The following CPEB3 variants were observed in gnomAD, a reference collection of about 807,000 sequenced individuals.
CPEB3 encodes cytoplasmic polyadenylation element-binding protein 3.
In CPEB3, 20 loss-of-function variants were observed where a neutral mutation model predicts 67.2. That is an observed-to-expected ratio of 0.30 (90% CI 0.21 to 0.43). CPEB3 has a LOEUF of 0.43. Among genes scored for constraint, CPEB3 ranks in the 20% least tolerant of loss-of-function variants. CPEB3 has a pLI of 1.00. For synonymous variants in CPEB3, 376 were observed against 393.1 expected, an observed-to-expected ratio of 0.96 and a Z score of 0.51; for missense variants, 746 against 968.6, an observed-to-expected ratio of 0.77 and a Z score of 3.05.
At chr10:92,276,161 C>T (rs1247772457) in intron 1 of CPEB3, among the ~76,000 whole-genome samples, 2 of 151,538 alleles carry the variant, frequency 1.3e-5, no homozygotes, top group African/African-American at 2.4e-5. Flanking sequence ...CATTCTTTTT[C>T]ATTATCAAAT....
At chr10:92,070,898 T>C (rs1842726111) in intron 9 of CPEB3, among the ~76,000 whole-genome samples, 1 of 151,788 alleles carries the variant, frequency 6.6e-6, no homozygotes, top group Non-Finnish European at 1.5e-5. Context: ...TTTACCCCGA[T>C]TTTGCCTGAA....
intron 3 of CPEB3, among the ~76,000 whole-genome samples, chr10:92,183,928 A>C (rs1372135639): frequency 1.3e-5 from 2 of 152,198 alleles, no homozygotes; most frequent in Non-Finnish European, 2.9e-5. Context: ...ATATCAAATA[A>C]AGTTTTTACA....
chr10:92,101,146 C>A (rs938913828), intron 7 of CPEB3, among the ~76,000 whole-genome samples: 1 of 152,126 alleles, frequency 6.6e-6, no homozygotes, highest in African/African-American at 2.4e-5. Context: ...GCAAACCATT[C>A]GGTGTCAACA....
intron 3 of CPEB3, among the ~76,000 whole-genome samples, chr10:92,184,380 G>A (rs1020145273): frequency 6.6e-6 from 1 of 152,098 alleles, no homozygotes. Context: ...CGAGGCAGTC[G>A]GATCAAGAGG....
In CPEB3 at chr10:92,081,306, A is replaced by C; in HGVS notation, c.1869+14T>G. 1 of 1,614,058 alleles carries C rather than the reference A, an allele frequency of 6.2e-7. No homozygotes were observed. Among genetic ancestry groups the C allele is most frequent in the Non-Finnish European group, 8.5e-7 (1 of 1,179,908 alleles). ...TTCTCTCCCATAGCAGTTTCACCCT[A>C]AGTAGGTGCTTACCCGTTTGTCAAT... is the stretch of plus-strand genomic sequence containing the variant. On this transcript the variant is annotated intron_variant, in intron 9 of 9. Transcript: ENST00000265997.
chr10:92,170,691 AAGAG>A (rs1847960415), intron 4 of CPEB3, among the ~76,000 whole-genome samples: 1 of 152,156 alleles, frequency 6.6e-6, no homozygotes, highest in South Asian at 2.1e-4. Context: ...GAGAGGAAGA[AAGAG>A]AGGGTGGGAA....
chr10:92,283,971 A>G (rs1391484491), intron 1 of CPEB3, among the ~76,000 whole-genome samples: 1 of 148,902 alleles, frequency 6.7e-6, no homozygotes, highest in Non-Finnish European at 1.5e-5. Flanking sequence ...CAGGTGATCC[A>G]CCTGCCTCAG....
At chr10:92,190,661 A>G (rs2134162264) in intron 3 of CPEB3, among the ~76,000 whole-genome samples, 1 of 112,568 alleles carries the variant, frequency 8.9e-6, no homozygotes, top group Non-Finnish European at 1.8e-5. Context: ...GCGAAACTCC[A>G]TCTCAAAAAA....
In CPEB3 at chr10:92,187,412, C is replaced by T. The variant is rs146275403; in HGVS notation, c.1165+5065G>A. ...ATACATAAAAATGTTTTACTAGGCA[C>T]GAACCCCAGATAGTCAGCCAGGACT... On this transcript the variant is annotated intron_variant, in intron 3 of 9. Transcript: ENST00000265997. Among the ~76,000 whole-genome samples, 1,290 of 152,230 alleles carry T rather than the reference C, an allele frequency of 8.5e-3. 14 individuals carry two copies. Among genetic ancestry groups the T allele is most frequent in the Non-Finnish European group, 0.011 (756 of 68,026 alleles).
intron 9 of CPEB3, among the ~76,000 whole-genome samples, chr10:92,078,640 C>A (rs1018037761): frequency 1.3e-5 from 2 of 152,064 alleles, no homozygotes; most frequent in African/African-American, 4.8e-5. Context: ...ATGGTTAACC[C>A]AATTATAGCA....
At chr10:92,172,613 A>G (rs1374947735) in intron 4 of CPEB3, among the ~76,000 whole-genome samples, 1 of 152,266 alleles carries the variant, frequency 6.6e-6, no homozygotes, top group African/African-American at 2.4e-5. Flanking sequence ...TGCTGGCTGT[A>G]TGACATTAGC....
intron 1 of CPEB3, among the ~76,000 whole-genome samples, chr10:92,270,893 T>C (rs1481437146): frequency 6.6e-6 from 1 of 152,092 alleles, no homozygotes; most frequent in African/African-American, 2.4e-5. Context: ...TAAAAAACTT[T>C]TGGCCAGGCA....
chr10:92,114,650 GC>G lies in CPEB3; in HGVS notation c.1454-3457del, dbSNP rs1844914553. Among the ~76,000 whole-genome samples, 4 of 152,298 alleles carry G rather than the reference GC, an allele frequency of 2.6e-5. No individual in the cohort carries two copies. The South Asian group carries it at 8.3e-4, about 32-fold the overall frequency. ...TCTTCACACACACCCTATGTGGTAA[GC>G]CCTATTTTGAATTCTGCTTTATATT... is the stretch of plus-strand genomic sequence containing the variant. On this transcript the variant is annotated intron_variant, in intron 6 of 9. Transcript: ENST00000265997.
intron 2 of CPEB3, among the ~76,000 whole-genome samples, chr10:92,222,688 A>G (rs1244745075): frequency 2.0e-5 from 3 of 152,104 alleles, no homozygotes; most frequent in Non-Finnish European, 4.4e-5. Context: ...CCCTTTGAAA[A>G]TTTAATGAAT....
chr10:92,188,364 A>G, intron 3 of CPEB3, among the ~76,000 whole-genome samples: 1 of 142,248 alleles, frequency 7.0e-6, no homozygotes, highest in Non-Finnish European at 1.5e-5. Flanking sequence ...CCAGGAGATT[A>G]TTACCTTATT....
chr10:92,117,370 C>T (rs1299308445), intron 6 of CPEB3, among the ~76,000 whole-genome samples: 1 of 133,620 alleles, frequency 7.5e-6, no homozygotes. Context: ...CGCTCTGTTG[C>T]CCATGCTGGA....
In CPEB3 at chr10:92,219,034, C is replaced by T. The variant is rs11813913; in HGVS notation, c.1005+20312G>A. Among the ~76,000 whole-genome samples, 474 of 152,306 alleles carry T rather than the reference C, an allele frequency of 3.1e-3. 6 individuals carry two copies. The highest frequency in any genetic ancestry group is 0.011 in the African/African-American group (449 of 41,572). ...TGTGCAATGCAAATTATGTTGAACA[C>T]ACTTTCTTTGATGGTTTAGAACAAA... On this transcript the variant is annotated intron_variant, in intron 2 of 9. Transcript: ENST00000265997.
At chr10:92,097,563 G>A (rs918113833) in intron 7 of CPEB3, among the ~76,000 whole-genome samples, 2 of 151,956 alleles carry the variant, frequency 1.3e-5, no homozygotes, top group Non-Finnish European at 2.9e-5. Flanking sequence ...ATCTTTTTAG[G>A]AATAAAGACA....
intron 1 of CPEB3, among the ~76,000 whole-genome samples, chr10:92,254,687 C>T (rs1304508102): frequency 6.6e-6 from 1 of 151,884 alleles, no homozygotes; most frequent in African/African-American, 2.4e-5. Flanking sequence ...GAGTCTTGCT[C>T]GCTCAGTCAC....
Sources: allele counts gnomAD v4.1 joint callset (sites outside exome capture counted in the v4.1 genomes callset), GRCh38; gene constraint gnomAD v4.1.1; transcripts MANE v1.5; gene names NCBI Gene and HGNC (gene_info 2026-07-23, HGNC 2026-07-21).